The following NCAPG2 variants were observed in gnomAD, a reference collection of about 807,000 sequenced individuals.
NCAPG2 encodes the protein condensin-2 complex subunit G2.
A neutral mutation model predicts 141.1 loss-of-function variants in NCAPG2; 53 were observed. That is an observed-to-expected ratio of 0.38 (90% confidence interval 0.30 to 0.47). The LOEUF is 0.47. Ranked by LOEUF, NCAPG2 falls within the 20% of genes least tolerant of loss-of-function variation. NCAPG2 has a pLI of 0.99. For synonymous variants in NCAPG2, 499 were observed against 490.7 expected, an observed-to-expected ratio of 1.02 and a Z score of -0.22; for missense variants, 1,087 against 1,389.0, an observed-to-expected ratio of 0.78 and a Z score of 3.46.
intron 8 of NCAPG2, among the ~76,000 whole-genome samples, chr7:158,684,540 A>G (rs1034585956): frequency 2.0e-5 from 3 of 152,224 alleles, no homozygotes; most frequent in African/African-American, 7.2e-5. Flanking sequence ...AGGTCTTACA[A>G]TGGCATTCCA....
chr7:158,649,125 G>A (rs971989575), intron 24 of NCAPG2, among the ~76,000 whole-genome samples: 8 of 152,330 alleles, frequency 5.3e-5, no homozygotes, highest in African/African-American at 1.9e-4. Context: ...TAGACTTCAT[G>A]AGGAGTCAGA....
At chr7:158,666,748 G>A (rs973229736) in intron 13 of NCAPG2, among the ~76,000 whole-genome samples, 4 of 151,674 alleles carry the variant, frequency 2.6e-5, no homozygotes, top group East Asian at 1.9e-4. Flanking sequence ...GCAACACAGG[G>A]AAACCCTGTC....
intron 13 of NCAPG2, among the ~76,000 whole-genome samples, chr7:158,665,582 C>T (rs913478230): frequency 3.9e-5 from 6 of 152,182 alleles, no homozygotes; most frequent in Non-Finnish European, 8.8e-5. Flanking sequence ...TCAATTGGAT[C>T]TTTCTTCTTT....
intron 6 of NCAPG2, among the ~76,000 whole-genome samples, chr7:158,689,020 C>T (rs1237642806): frequency 6.6e-6 from 1 of 152,166 alleles, no homozygotes; most frequent in African/African-American, 2.4e-5. Flanking sequence ...AAAGCTTGTT[C>T]TAGTCTCCCC....
intron 2 of NCAPG2, among the ~76,000 whole-genome samples, chr7:158,700,060 T>G (rs1255258364): frequency 6.6e-6 from 1 of 152,132 alleles, no homozygotes; most frequent in Non-Finnish European, 1.5e-5. Flanking sequence ...CCAAACTGAT[T>G]TAAATTCTTA....
intron 19 of NCAPG2, among the ~76,000 whole-genome samples, chr7:158,655,742 G>GCACGCAGCACCACCCGTCC (rs1554554673): frequency 6.6e-6 from 1 of 151,832 alleles, no homozygotes; most frequent in Admixed American, 6.6e-5. Context: ...CTCCCCATCT[G>GCACGCAGCACCACCCGTCC]CCTGGCTCCA....
chr7:158,648,348 T>C (rs1029571314), intron 24 of NCAPG2, among the ~76,000 whole-genome samples: 3 of 145,842 alleles, frequency 2.1e-5, no homozygotes, highest in African/African-American at 7.6e-5. Flanking sequence ...TCAACAGAGA[T>C]AAAATGGCGT....
chr7:158,662,916 C>T (rs748870938), intron 15 of NCAPG2, among the ~76,000 whole-genome samples: 5 of 152,196 alleles, frequency 3.3e-5, no homozygotes, highest in Non-Finnish European at 5.9e-5. Flanking sequence ...TGATCATGGG[C>T]TTCTTTAGTT....
chr7:158,688,485 A>C (rs1834917907), intron 6 of NCAPG2, among the ~76,000 whole-genome samples: 1 of 152,118 alleles, frequency 6.6e-6, no homozygotes, highest in Non-Finnish European at 1.5e-5. Context: ...TAATTTCTTC[A>C]CTCTCCCATT....
chr7:158,663,156 A>C (rs1832653428), intron 15 of NCAPG2, among the ~76,000 whole-genome samples: 1 of 152,166 alleles, frequency 6.6e-6, no homozygotes, highest in Non-Finnish European at 1.5e-5. Context: ...AGACCCACCA[A>C]CAATCCCTGC....
rs748272470 is a variant in NCAPG2 at position 158,687,414 on chromosome 7, T to G, written c.701A>C (p.Asn234Thr). ...EGRRFLSCLFNWNINFIKMIH... is the reference protein window; with the variant it reads ...EGRRFLSCLFTWNINFIKMIH... ...CATTTTGATGAAGTTGATATTCCAG[T>G]TGAAGAGACAACTAAGAAATCTTCT... Residue 234 changes from asparagine to threonine, a missense_variant, in exon 7 of 28, where the codon AAC becomes ACC. Physicochemically the swap from Asn to Thr is moderately conservative, Grantham distance 65 (BLOSUM62 0). Transcript: ENST00000356309. 1 of 1,609,602 alleles carries G rather than the reference T, an allele frequency of 6.2e-7. No individual in the cohort carries two copies. Among genetic ancestry groups the G allele is most frequent in the East Asian group, 2.2e-5 (1 of 44,740 alleles).
chr7:158,649,727 A>T (rs1032511937), intron 24 of NCAPG2, among the ~76,000 whole-genome samples: 5 of 152,264 alleles, frequency 3.3e-5, no homozygotes, highest in Non-Finnish European at 7.3e-5. Context: ...TTTATGATTC[A>T]CGTAAATATT....
In NCAPG2 at chr7:158,688,575, G is replaced by C. The variant is rs559588686; in HGVS notation, c.673-1133C>G. On this transcript the variant is annotated intron_variant, in intron 6 of 27. Transcript: ENST00000356309. Reference sequence around the variant, plus strand: ...AATAACGATGGTGCTGACACAGCAAGGATGGCAAAGGGCAGCCCTCCCCAG... The same window carrying C: ...AATAACGATGGTGCTGACACAGCAACGATGGCAAAGGGCAGCCCTCCCCAG... 1.6e-4 allele frequency among the ~76,000 whole-genome samples: 25 copies of C among 152,352 alleles called. No homozygotes were observed. In the South Asian group the frequency reaches 5.2e-3, roughly 32 times the overall value.
At position 158,667,493 on chromosome 7, in the gene NCAPG2, G is replaced by GCCTTACCCACTACTGGGTCCCTCCGCCCT. The variant is rs1833160176; in HGVS notation, c.1480-2772_1480-2744dup. The stretch of plus-strand genomic sequence containing the variant: ...TACCCACTACTGGGTCCCTCCGCCC[G>GCCTTACCCACTACTGGGTCCCTCCGCCCT]CCTTACCCACTACTGGGTCCCTCCG... On this transcript the variant is annotated intron_variant, in intron 13 of 27. Coordinates refer to ENST00000356309, the MANE Select transcript of NCAPG2 (RefSeq NM_017760.7). Among the ~76,000 whole-genome samples the GCCTTACCCACTACTGGGTCCCTCCGCCCT allele has an allele frequency of 1.9e-4, 7 of 37,550 alleles. 3 individuals are homozygous for GCCTTACCCACTACTGGGTCCCTCCGCCCT. The highest frequency in any genetic ancestry group is 6.6e-4 in the African/African-American group (7 of 10,656). The allele number at this position is 37,550 out of a possible 152,430, so 24.6% of individuals were successfully genotyped here.
At position 158,686,294 on chromosome 7, in the gene NCAPG2, C is replaced by T. The variant is rs567590455; in HGVS notation, c.768-53G>A. 8 of 1,066,072 alleles carry T rather than the reference C, an allele frequency of 7.5e-6. No homozygotes were observed. The East Asian group carries it at 1.9e-4, about 25-fold the overall frequency. The allele number at this position is 1,066,072 out of a possible 1,614,324, so 66.0% of individuals were successfully genotyped here. A position where few individuals can be genotyped will look rare whatever the true frequency, so the allele number is the denominator to read the frequency against. On this transcript the variant is annotated intron_variant, in intron 7 of 27. Transcript: ENST00000356309. ...ATGCAAATTTTAAGAATTATTCTTTCAACATGTATCATTTCAGCTACTCTC... is the reference window on the plus strand; with the variant it reads ...ATGCAAATTTTAAGAATTATTCTTTTAACATGTATCATTTCAGCTACTCTC...
At position 158,656,470 on chromosome 7, in the gene NCAPG2, C is replaced by T. The variant is rs750188456; in HGVS notation, c.2215-37G>A. 5.6e-6 allele frequency: 9 copies of T among 1,610,672 alleles called. No individual in the cohort carries two copies. In the Admixed American group the frequency reaches 1.5e-4, roughly 27 times the overall value. On this transcript the variant is annotated intron_variant, in intron 18 of 27. Coordinates refer to ENST00000356309, the MANE Select transcript of NCAPG2 (RefSeq NM_017760.7). ...GAGAGAGAAACTGATAATGAAAACA[C>T]ACGTCCCTAGAAAAGCATGTAATTT...
At chr7:158,641,762 A>T (rs1830667929) in intron 27 of NCAPG2, among the ~76,000 whole-genome samples, 1 of 152,206 alleles carries the variant, frequency 6.6e-6, no homozygotes, top group Non-Finnish European at 1.5e-5. Flanking sequence ...AAACTGTGTG[A>T]GGCAAAAACT....
intron 2 of NCAPG2, among the ~76,000 whole-genome samples, chr7:158,697,302 T>G (rs545565878): frequency 6.6e-6 from 1 of 152,184 alleles, no homozygotes; most frequent in Non-Finnish European, 1.5e-5. Flanking sequence ...CAAAAAAGTT[T>G]AAAAAGTAAA....
intron 27 of NCAPG2, among the ~76,000 whole-genome samples, chr7:158,637,684 T>C (rs1159407325): frequency 8.2e-6 from 1 of 122,632 alleles, no homozygotes; most frequent in Non-Finnish European, 1.8e-5. Context: ...CGCTAACAAT[T>C]TCTTCCACGT....
Sources: gnomAD v4.1 joint callset for allele counts (sites outside exome capture counted in the v4.1 genomes callset) on GRCh38, gnomAD v4.1.1 for gene constraint, MANE v1.5 for transcripts, NCBI Gene and HGNC (gene_info 2026-07-23, HGNC 2026-07-21) for gene names.